Variants in SEPTIN9 observed in about 807,000 individuals in gnomAD.
The protein encoded by SEPTIN9 is septin 9.
A neutral mutation model predicts 56.6 loss-of-function variants in SEPTIN9; 13 were observed. That is an observed-to-expected ratio of 0.23 (90% CI 0.15 to 0.37). The LOEUF (loss-of-function observed/expected upper bound fraction) is 0.37. Ranked by LOEUF, SEPTIN9 falls within the 10% of genes least tolerant of loss-of-function variation. The pLI is 1.00. For synonymous variants in SEPTIN9, 332 were observed against 334.1 expected, an observed-to-expected ratio of 0.99 and a Z score of 0.07; for missense variants, 650 against 823.1, an observed-to-expected ratio of 0.79 and a Z score of 2.57.
chr17:77,291,737 C>T (rs890305768), intron 1 of SEPTIN9, among the ~76,000 whole-genome samples: 3 of 152,166 alleles, frequency 2.0e-5, no homozygotes, highest in African/African-American at 7.2e-5. Flanking sequence ...CTCAGCCTCC[C>T]AAAGCGCTGG....
chr17:77,388,781 C>T (rs1362206733), intron 2 of SEPTIN9, among the ~76,000 whole-genome samples: 1 of 146,490 alleles, frequency 6.8e-6, no homozygotes, highest in African/African-American at 2.6e-5. Context: ...GAGGCTCCAC[C>T]TGGGCCAAGT....
chr17:77,420,210 G>A (rs563261254), intron 3 of SEPTIN9, among the ~76,000 whole-genome samples: 1 of 152,206 alleles, frequency 6.6e-6, no homozygotes, highest in South Asian at 2.1e-4. Context: ...CCATGCTGTT[G>A]CCTGGCTGCT....
intron 1 of SEPTIN9, among the ~76,000 whole-genome samples, chr17:77,284,598 G>GT (rs113644232): frequency 0.17 from 25,974 of 151,830 alleles, 2,258 homozygotes; most frequent in Non-Finnish European, 0.2. Context: ...TGCCTCATTT[G>GT]TTTTTTTGTG....
At chr17:77,309,740 T>TAAA (rs112662009) in intron 2 of SEPTIN9, among the ~76,000 whole-genome samples, 35 of 151,788 alleles carry the variant, frequency 2.3e-4, no homozygotes, top group African/African-American at 6.5e-4. Flanking sequence ...TTCTTTCCTT[T>TAAA]TAAAAAAAAA....
rs1173911903 is a variant in SEPTIN9, at chr17:77,317,852, A to C, written c.76+10655A>C. Among the ~76,000 whole-genome samples, 5 of 152,062 alleles carry C rather than the reference A, an allele frequency of 3.3e-5. No homozygotes were observed. Among genetic ancestry groups the C allele is most frequent in the Non-Finnish European group, 5.9e-5 (4 of 68,014 alleles). On this transcript the variant is annotated intron_variant, in intron 2 of 11. Coordinates refer to ENST00000427177, the MANE Select transcript of SEPTIN9 (RefSeq NM_001113491.2). This position sits in a 1 kb window ranked among gnomAD's most constrained non-coding sequence, Gnocchi z 4.2. ...CGGATCACGAGGTCAGGAGTTCAAG[A>C]TCAGCCTGGCCAATATGGTGAAACC...
At chr17:77,466,473 TGCGTGA>T in intron 3 of SEPTIN9, 1 of 985,450 alleles carries the variant, frequency 1.0e-6, no homozygotes. Flanking sequence ...CTGTGTTAGC[TGCGTGA>T]GCGTGAGCGA....
At chr17:77,300,721 G>C (rs1484672309) in intron 1 of SEPTIN9, among the ~76,000 whole-genome samples, 3 of 62,172 alleles carry the variant, frequency 4.8e-5, no homozygotes, top group Non-Finnish European at 8.8e-5. Flanking sequence ...CCCACCCCAG[G>C]CTCAAACCGC....
At position 77,338,525 on chromosome 17, in the gene SEPTIN9, TCTC is replaced by T. The variant is rs537784894; in HGVS notation, c.76+31331_76+31333del. On this transcript the variant is annotated intron_variant, in intron 2 of 11. Coordinates refer to ENST00000427177, the MANE Select transcript of SEPTIN9 (RefSeq NM_001113491.2). ...CCTCTGCCTCCCGGGTTCAAGCAAT[TCTC>T]CTGCCTCAGCCTCCCGAGTAGCTGG... Among the ~76,000 whole-genome samples the T allele has an allele frequency of 1.1e-3, 169 of 152,268 alleles. 1 individual carries two copies. Among genetic ancestry groups the T allele is most frequent in the African/African-American group, 4.0e-3 (165 of 41,554 alleles).
chr17:77,378,645 T>A (rs2035021892), intron 2 of SEPTIN9, among the ~76,000 whole-genome samples: 1 of 152,100 alleles, frequency 6.6e-6, no homozygotes, highest in Admixed American at 6.5e-5. Context: ...CACCACTAAT[T>A]ATGGAAAGCA....
chr17:77,354,074 G>C (rs1306611214), intron 2 of SEPTIN9, among the ~76,000 whole-genome samples: 2 of 152,178 alleles, frequency 1.3e-5, no homozygotes, highest in Non-Finnish European at 2.9e-5. Context: ...GGGTCAAGAA[G>C]CACAGCTCTT....
At position 77,410,945 on chromosome 17, in the gene SEPTIN9, C is replaced by T. The variant is rs1314633255; in HGVS notation, c.721+8242C>T. 2.6e-5 allele frequency among the ~76,000 whole-genome samples: 4 copies of T among 152,218 alleles called. No homozygotes were observed. In the South Asian group the frequency reaches 6.2e-4, roughly 24 times the overall value. ...TCCTAAAAAGCAATGCACGACGGGG[C>T]GTGGTGGCGGGCACCTGTAGTCCCA... On this transcript the variant is annotated intron_variant, in intron 3 of 11. Coordinates refer to ENST00000427177, the MANE Select transcript of SEPTIN9 (RefSeq NM_001113491.2).
Position 77,499,919 on chromosome 17 carries a change from T to C in SEPTIN9, c.*1261T>C. On this transcript the variant is annotated 3_prime_UTR_variant, in exon 12 of 12. Transcript: ENST00000427177. ...GCGTCAGGGGTGCACAGTCCACAGC[T>C]GAAGAGCAAGGTTTCGTGGCAGCAC... 1 of 245,124 alleles carries C rather than the reference T, an allele frequency of 4.1e-6. No homozygotes were observed. Among genetic ancestry groups the C allele is most frequent in the Non-Finnish European group, 8.0e-6 (1 of 124,878 alleles). 15.2% of individuals were successfully genotyped at this position (245,124 alleles called of 1,614,324 possible).
At chr17:77,471,413 C>G (rs2038991867) in intron 3 of SEPTIN9, among the ~76,000 whole-genome samples, 1 of 152,214 alleles carries the variant, frequency 6.6e-6, no homozygotes, top group Non-Finnish European at 1.5e-5. Context: ...TTTTTTCTAC[C>G]CAGCACCTGG....
chr17:77,286,476 G>C (rs2031285634), intron 1 of SEPTIN9: 1 of 152,460 alleles, frequency 6.6e-6, no homozygotes, highest in South Asian at 2.1e-4. Flanking sequence ...CTTAGGGGCA[G>C]TGGTCTGGAA....
intron 1 of SEPTIN9, among the ~76,000 whole-genome samples, chr17:77,291,707 G>A (rs1224891528): frequency 6.6e-6 from 1 of 152,104 alleles, no homozygotes; most frequent in East Asian, 1.9e-4. Context: ...TGAATTTCCA[G>A]CCTCAAGCGA....
intron 3 of SEPTIN9, among the ~76,000 whole-genome samples, chr17:77,478,752 C>T (rs2039327281): frequency 6.7e-6 from 1 of 148,898 alleles, no homozygotes; most frequent in Non-Finnish European, 1.5e-5. Flanking sequence ...TTCGGTGAGC[C>T]GAGATCGCGC....
chr17:77,315,646 G>C (rs1477888579), intron 2 of SEPTIN9, among the ~76,000 whole-genome samples: 1 of 152,358 alleles, frequency 6.6e-6, no homozygotes, highest in East Asian at 1.9e-4. Context: ...GGTTGAGTGA[G>C]TGTGACACTT....
chr17:77,309,517 T>G (rs543558119), intron 2 of SEPTIN9, among the ~76,000 whole-genome samples: 3 of 152,182 alleles, frequency 2.0e-5, no homozygotes, highest in Non-Finnish European at 2.9e-5. Flanking sequence ...CCTCCCCATT[T>G]GACACTCCCC....
chr17:77,327,012 A>G lies in SEPTIN9; in HGVS notation c.76+19815A>G, dbSNP rs148358283. Among the ~76,000 whole-genome samples, 1 of 152,004 alleles carries G rather than the reference A, an allele frequency of 6.6e-6. No individual in the cohort carries two copies. The highest frequency in any genetic ancestry group is 1.5e-5 in the Non-Finnish European group (1 of 67,970). ...TTGCCCTACACATCTCTTCCCCTGT[A>G]TCCTTTGTAATATCCTTTATAATAA... On this transcript the variant is annotated intron_variant, in intron 2 of 11. Transcript: ENST00000427177. The surrounding 1 kb of genome is among the most constrained non-coding windows in gnomAD (Gnocchi z 5.0).
Sources: gnomAD v4.1 joint callset for allele counts (sites outside exome capture counted in the v4.1 genomes callset) on GRCh38, gnomAD v4.1.1 for gene constraint, Gnocchi (gnomAD v3.1) non-coding constraint, MANE v1.5 for transcripts, NCBI Gene and HGNC (gene_info 2026-07-23, HGNC 2026-07-21) for gene names.